Variants in KALRN observed in about 807,000 individuals in gnomAD.
The protein encoded by KALRN is kalirin.
Under a neutral mutation model 353.7 loss-of-function variants are expected in KALRN, and 70 were observed. That is an observed-to-expected ratio of 0.20 (90% confidence interval 0.16 to 0.24). The LOEUF (loss-of-function observed/expected upper bound fraction) is 0.24, where lower values mean the gene tolerates loss of function less well. KALRN is among the 10% of genes least tolerant of loss of function. The pLI, the probability that KALRN is intolerant of heterozygous loss-of-function variation, is 1.00. For missense variants in KALRN, 2,791 were observed against 3,756.7 expected (o/e 0.74, Z 6.72); for synonymous variants, 1,391 against 1,434.8 (o/e 0.97, Z 0.69).
rs1200860320 is a variant in KALRN at position 124,469,959 on chromosome 3, A to C, written c.4032-4704A>C. Reference sequence around the variant, plus strand: ...AACAGAACCAGTCCAGTACCTTTGAAATAGTGCTGTTTCTATCATATTTAA... The same window carrying C: ...AACAGAACCAGTCCAGTACCTTTGACATAGTGCTGTTTCTATCATATTTAA... On this transcript the variant is annotated intron_variant, in intron 25 of 59. Coordinates refer to ENST00000682506, the MANE Select transcript of KALRN (RefSeq NM_001388419.1). Among the ~76,000 whole-genome samples the C allele has an allele frequency of 2.0e-5, 3 of 152,196 alleles. No homozygotes were observed. The East Asian group carries it at 5.8e-4, about 29-fold the overall frequency.
At chr3:124,119,676 T>A (rs1022276625) in intron 1 of KALRN, among the ~76,000 whole-genome samples, 24 of 152,196 alleles carry the variant, frequency 1.6e-4, no homozygotes, top group Non-Finnish European at 7.3e-5. Flanking sequence ...AAGCATGGTC[T>A]AGCATTGTGT....
chr3:124,509,008 G>C (rs1487436774), intron 33 of KALRN, among the ~76,000 whole-genome samples: 3 of 151,956 alleles, frequency 2.0e-5, no homozygotes, highest in Non-Finnish European at 4.4e-5. Flanking sequence ...GGGTTGTTTG[G>C]CTTTTCTTAT....
intron 3 of KALRN, among the ~76,000 whole-genome samples, chr3:124,248,179 G>A (rs1438884982): frequency 6.6e-6 from 1 of 152,226 alleles, no homozygotes; most frequent in Non-Finnish European, 1.5e-5. Context: ...GCCCCTGAGG[G>A]TGTGGAGCAC....
chr3:124,094,956 C>T (rs756202898), intron 1 of KALRN: 1 of 1,505,466 alleles, frequency 6.6e-7, no homozygotes. Context: ...GATAAATACA[C>T]ATAGAGACAT....
chr3:124,494,896 G>T (rs540076488), intron 32 of KALRN, among the ~76,000 whole-genome samples: 4 of 152,160 alleles, frequency 2.6e-5, no homozygotes, highest in African/African-American at 7.2e-5. Context: ...CAGCATCAGG[G>T]TATCTTTTAT....
chr3:124,516,886 C>T (rs911178161), intron 33 of KALRN, among the ~76,000 whole-genome samples: 12 of 152,060 alleles, frequency 7.9e-5, no homozygotes, highest in African/African-American at 2.4e-4. Context: ...GGTGCAATCT[C>T]GGCTCACTGC....
chr3:124,617,426 A>C (rs2078736846), intron 34 of KALRN, among the ~76,000 whole-genome samples: 1 of 152,246 alleles, frequency 6.6e-6, no homozygotes, highest in African/African-American at 2.4e-5. Flanking sequence ...TATGTAAACA[A>C]GCATTTATCA....
rs779412797 is a variant in KALRN at position 124,268,972 on chromosome 3, T to C, written c.686T>C (p.Ile229Thr). 2.5e-6 allele frequency: 4 copies of C among 1,613,994 alleles called. No individual in the cohort carries two copies. The highest frequency in any genetic ancestry group is 3.4e-6 in the Non-Finnish European group (4 of 1,180,004). Residue 229 changes from isoleucine (I) to threonine (T), a missense_variant, in exon 5 of 60, where the codon ATT becomes ACT. This residue lies in a region of KALRN where 366 missense variants were observed against 489.2 expected (regional missense o/e 0.75). Transcript: ENST00000682506. ...GATGTGGAGGGCTCTCGGCGGCTCA[T>C]TGACGAACACACACAGCTCAAGAAA... The part of the protein sequence containing the change: ...PVDVEGSRRL[I>T]DEHTQLKKKV...
intron 1 of KALRN, among the ~76,000 whole-genome samples, chr3:124,215,754 T>C (rs547084987): frequency 9.2e-5 from 14 of 152,290 alleles, no homozygotes; most frequent in Non-Finnish European, 1.6e-4. Context: ...CCTCAAGACA[T>C]GCTTGTCCTG....
At chr3:124,182,766 T>C (rs1162708762) in intron 1 of KALRN, among the ~76,000 whole-genome samples, 1 of 152,168 alleles carries the variant, frequency 6.6e-6, no homozygotes, top group African/African-American at 2.4e-5. Context: ...AGTGCCTCTT[T>C]AACCATCTCA....
intron 1 of KALRN, among the ~76,000 whole-genome samples, chr3:124,065,920 A>G (rs2042318803): frequency 6.6e-6 from 1 of 152,214 alleles, no homozygotes; most frequent in South Asian, 2.1e-4. Flanking sequence ...GAGAGAGAAC[A>G]TAACTTTTCT....
chr3:124,248,155 T>C (rs2148719391), intron 3 of KALRN, among the ~76,000 whole-genome samples: 1 of 152,300 alleles, frequency 6.6e-6, no homozygotes, highest in Non-Finnish European at 1.5e-5. Flanking sequence ...TTGGAATGGT[T>C]GGTTTTGTTT....
chr3:124,243,494 C>T (rs1437898724), intron 3 of KALRN, among the ~76,000 whole-genome samples: 1 of 152,128 alleles, frequency 6.6e-6, no homozygotes, highest in Non-Finnish European at 1.5e-5. Context: ...AATCAAGGAC[C>T]CACCCAGCAC....
intron 6 of KALRN, among the ~76,000 whole-genome samples, chr3:124,321,935 G>C (rs2079384655): frequency 6.6e-6 from 1 of 152,160 alleles, no homozygotes; most frequent in Non-Finnish European, 1.5e-5. Context: ...CATATATAGG[G>C]GGGTTTAAAT....
intron 33 of KALRN, among the ~76,000 whole-genome samples, chr3:124,521,595 G>T (rs1471063730): frequency 1.3e-5 from 2 of 152,192 alleles, no homozygotes; most frequent in Non-Finnish European, 2.9e-5. Context: ...ATATAATCAT[G>T]TTGATCCATC....
At chr3:124,708,381 A>C (rs2062738026) in intron 57 of KALRN, among the ~76,000 whole-genome samples, 1 of 152,240 alleles carries the variant, frequency 6.6e-6, no homozygotes, top group Admixed American at 6.5e-5. Flanking sequence ...CTGTAAGGTA[A>C]AGGTGAATAC....
rs143734108 is a variant in KALRN, at chr3:124,468,155, CTG to C, written c.4031+5524_4031+5525del. Among the ~76,000 whole-genome samples, 168 of 152,222 alleles carry C rather than the reference CTG, an allele frequency of 1.1e-3. 3 individuals are homozygous for C. The East Asian group carries it at 0.03, about 27-fold the overall frequency. On this transcript the variant is annotated intron_variant, in intron 25 of 59. Coordinates refer to ENST00000682506, the MANE Select transcript of KALRN (RefSeq NM_001388419.1). Reference sequence around the variant, plus strand: ...TTTTATCATGAACCAAAGAAAAAGACTGTACATTATGCCCTGATATACGCATG... The same window carrying C: ...TTTTATCATGAACCAAAGAAAAAGACTACATTATGCCCTGATATACGCATG...
At chr3:124,208,889 C>A (rs2076654297) in intron 1 of KALRN, among the ~76,000 whole-genome samples, 1 of 151,766 alleles carries the variant, frequency 6.6e-6, no homozygotes, top group South Asian at 2.1e-4. Flanking sequence ...TTGCTTGAGA[C>A]CAGGAGATCA....
intron 34 of KALRN, among the ~76,000 whole-genome samples, chr3:124,586,934 G>A (rs1159950116): frequency 2.6e-5 from 4 of 152,148 alleles, no homozygotes; most frequent in African/African-American, 7.2e-5. Context: ...GCTCCCTCAG[G>A]CTCACTCTAA....
Sources: allele counts gnomAD v4.1 joint callset (sites outside exome capture counted in the v4.1 genomes callset), GRCh38; gene constraint gnomAD v4.1.1; regional missense constraint gnomAD v4.1.1; transcripts MANE v1.5; gene names NCBI Gene and HGNC (gene_info 2026-07-23, HGNC 2026-07-21).